MYO16: variants seen among roughly 807,000 people sequenced by gnomAD.
The protein encoded by MYO16 is myosin XVI.
A neutral mutation model predicts 205.3 loss-of-function variants in MYO16; 94 were observed. The observed-to-expected ratio is 0.46, with a 90% CI of 0.39 to 0.54. The LOEUF is 0.54. Among genes scored for constraint, MYO16 ranks in the 20% least tolerant of loss-of-function variants. MYO16 has a pLI of 0.00. For synonymous variants in MYO16, 988 were observed against 954.0 expected, an observed-to-expected ratio of 1.04 and a Z score of -0.66; for missense variants, 2,315 against 2,387.5, an observed-to-expected ratio of 0.97 and a Z score of 0.63.
intron 23 of MYO16, among the ~76,000 whole-genome samples, chr13:109,027,737 CA>C (rs1330893390): frequency 6.6e-6 from 1 of 152,070 alleles, no homozygotes; most frequent in African/African-American, 2.4e-5. Flanking sequence ...AATGCAGATA[CA>C]ATTATTTTTA....
At chr13:108,855,627 A>G in intron 11 of MYO16, 74 bp downstream of exon 11, 1 of 1,039,374 alleles carries the variant, frequency 9.6e-7, no homozygotes, top group Non-Finnish European at 1.4e-6. Context: ...CAGTGCTTCA[A>G]ATGTTGCAAG....
chr13:108,813,515 T>A (rs188763932), intron 7 of MYO16, among the ~76,000 whole-genome samples: 2 of 152,272 alleles, frequency 1.3e-5, no homozygotes, highest in Non-Finnish European at 2.9e-5. Context: ...ATATTTTAAC[T>A]TTTTAAAGAG....
At chr13:108,748,567 TA>T (rs1299924039) in intron 4 of MYO16, among the ~76,000 whole-genome samples, 1 of 151,964 alleles carries the variant, frequency 6.6e-6, no homozygotes, top group Admixed American at 6.6e-5. Context: ...CAAGCTACAT[TA>T]AAAATGCTTA....
At chr13:109,144,222 C>G (rs1026450981) in intron 32 of MYO16, among the ~76,000 whole-genome samples, 1 of 152,058 alleles carries the variant, frequency 6.6e-6, no homozygotes, top group Non-Finnish European at 1.5e-5. Flanking sequence ...ACCATGTTAG[C>G]CAGGCTGGTC....
intron 28 of MYO16, among the ~76,000 whole-genome samples, chr13:109,117,513 A>ATG (rs914981993): frequency 1.3e-5 from 2 of 148,480 alleles, no homozygotes; most frequent in African/African-American, 2.5e-5. Flanking sequence ...GTATATATGT[A>ATG]TGTATATATA....
At chr13:108,578,549 T>C in the MYO16 span, among the ~76,000 whole-genome samples, 4 of 152,186 alleles carry the variant, frequency 2.6e-5, no homozygotes, top group South Asian at 8.3e-4. Context: ...TGGTGGGTGC[T>C]GTGTACTTAT....
In MYO16 at chr13:109,141,249, C is replaced by G. The variant is rs761119782; in HGVS notation, c.5037C>G (p.Pro1679=). 3.1e-6 allele frequency: 5 copies of G among 1,606,246 alleles called. No homozygotes were observed. Among genetic ancestry groups the G allele is most frequent in the African/African-American group, 1.3e-5 (1 of 74,414 alleles). The change falls in exon 32 of 35, where the codon CCC becomes CCG. Residue 1679 remains proline, a synonymous_variant. Coordinates refer to ENST00000457511, the MANE Select transcript of MYO16 (RefSeq NM_001198950.3). The surrounding 1 kb of genome is among the most constrained non-coding windows in gnomAD (Gnocchi z 4.1). ...ARKAGSSASP[P]APYSPPSSRP... ...AGGCCGGCTCCAGTGCCTCGCCCCC[C>G]GCGCCCTACAGCCCTCCCAGCTCCA...
intron 3 of MYO16, among the ~76,000 whole-genome samples, chr13:108,726,611 G>T (rs1345839907): frequency 6.6e-6 from 1 of 151,684 alleles, no homozygotes; most frequent in East Asian, 1.9e-4. Context: ...AGGACTGGAT[G>T]ATTTGAAGAG....
chr13:109,097,037 G>A (rs1888799888), intron 27 of MYO16, among the ~76,000 whole-genome samples: 1 of 152,110 alleles, frequency 6.6e-6, no homozygotes, highest in Non-Finnish European at 1.5e-5. Flanking sequence ...TTCATAAGAG[G>A]TACTGATGTC....
intron 33 of MYO16, among the ~76,000 whole-genome samples, chr13:109,166,407 A>G (rs1188119216): frequency 2.0e-5 from 3 of 152,248 alleles, no homozygotes; most frequent in Non-Finnish European, 4.4e-5. Context: ...TAACTCAGAA[A>G]ATCCCCAGAA....
the MYO16 span, among the ~76,000 whole-genome samples, chr13:108,574,516 TG>T: frequency 6.6e-6 from 1 of 152,214 alleles, no homozygotes; most frequent in Non-Finnish European, 1.5e-5. Context: ...CTAACTTTTA[TG>T]TAACAGGAAG....
rs1228300332 is a variant in MYO16, at chr13:108,823,132, T to C, written c.951T>C (p.Ala317=). ...NCNEEKASDI[A]ASEFIEEMLL... ...CTTATTTTTTTCTTGTAGATATTGC[T>C]GCCTCTGAGTTTATTGAGGAAATGC... The change falls in exon 9 of 35, where the codon GCT becomes GCC. Residue 317 remains alanine (A), a synonymous_variant. Coordinates refer to ENST00000457511, the MANE Select transcript of MYO16 (RefSeq NM_001198950.3). 1 of 1,609,586 alleles carries C rather than the reference T, an allele frequency of 6.2e-7. No individual in the cohort carries two copies. The highest frequency in any genetic ancestry group is 8.5e-7 in the Non-Finnish European group (1 of 1,179,132).
At chr13:108,703,986 G>A (rs564081267) in intron 2 of MYO16, among the ~76,000 whole-genome samples, 29 of 152,304 alleles carry the variant, frequency 1.9e-4, no homozygotes, top group Middle Eastern at 6.8e-3. Context: ...CACGCACAGT[G>A]TGTGCCATCA....
chr13:108,662,066 GCC>G (rs1881526636), intron 1 of MYO16, among the ~76,000 whole-genome samples: 1 of 152,184 alleles, frequency 6.6e-6, no homozygotes, highest in South Asian at 2.1e-4. Context: ...TCTGGGTCTA[GCC>G]ACCCAGTGAG....
intron 20 of MYO16, among the ~76,000 whole-genome samples, chr13:108,975,136 A>G (rs772541893): frequency 8.5e-5 from 13 of 152,136 alleles, no homozygotes; most frequent in Non-Finnish European, 1.5e-4. Context: ...CTTGCTAAGT[A>G]CAATAGCATT....
intron 12 of MYO16, among the ~76,000 whole-genome samples, chr13:108,873,590 C>T (rs566749649): frequency 3.9e-5 from 6 of 152,338 alleles, no homozygotes; most frequent in African/African-American, 4.8e-5. Context: ...TTCCACCAAC[C>T]GGGACAGGGT....
chr13:108,764,856 G>C (rs905250614), intron 4 of MYO16, among the ~76,000 whole-genome samples: 1 of 152,098 alleles, frequency 6.6e-6, no homozygotes. Context: ...CCTCACCTCT[G>C]AATTTAGTAG....
At chr13:108,828,770 G>A (rs940865623) in intron 9 of MYO16, among the ~76,000 whole-genome samples, 5 of 152,232 alleles carry the variant, frequency 3.3e-5, no homozygotes, top group African/African-American at 4.8e-5. Flanking sequence ...CCTATGTGAC[G>A]AGACACCAAT....
At chr13:108,636,973 G>T (rs1438928504) in intron 1 of MYO16, among the ~76,000 whole-genome samples, 1 of 152,138 alleles carries the variant, frequency 6.6e-6, no homozygotes, top group Non-Finnish European at 1.5e-5. Context: ...GCAATTAAGA[G>T]AAAGATAGAA....
Sources: gnomAD v4.1 joint callset for allele counts (sites outside exome capture counted in the v4.1 genomes callset) on GRCh38, gnomAD v4.1.1 for gene constraint, Gnocchi (gnomAD v3.1) non-coding constraint, MANE v1.5 for transcripts, NCBI Gene and HGNC (gene_info 2026-07-23, HGNC 2026-07-21) for gene names.